PFKP: variants seen among roughly 807,000 people sequenced by gnomAD.
The protein encoded by PFKP is ATP-dependent 6-phosphofructokinase, platelet type.
A neutral mutation model predicts 94.3 loss-of-function variants in PFKP; 101 were observed. That is an observed-to-expected ratio of 1.07 (90% CI 0.91 to 1.26). The LOEUF is 1.26. Among genes scored for constraint, PFKP ranks in the 50% most tolerant of loss-of-function variants. The pLI, the probability that PFKP is intolerant of heterozygous loss-of-function variation, is 0.00. For missense variants in PFKP, 1,145 were observed against 1,103.3 expected (o/e 1.04, Z -0.53); for synonymous variants, 573 against 432.6 (o/e 1.32, Z -4.03).
At chr10:3,134,051 C>T (rs9423697) in intron 19 of PFKP, among the ~76,000 whole-genome samples, 40,445 of 152,036 alleles carry the variant, frequency 0.27, 5,470 homozygotes, top group East Asian at 0.3. Context: ...AACTTGCACA[C>T]ACTCCTTCCT....
In PFKP at chr10:3,136,434, C is replaced by A. The variant is rs763085603; in HGVS notation, c.2226-16C>A. The A allele has an allele frequency of 6.2e-7, 1 of 1,613,268 alleles. No homozygotes were observed. The highest frequency in any genetic ancestry group is 8.5e-7 in the Non-Finnish European group (1 of 1,179,532). On this transcript the variant is annotated splice_polypyrimidine_tract_variant and intron_variant, in intron 21 of 21. Coordinates refer to ENST00000381125, the MANE Select transcript of PFKP (RefSeq NM_002627.5). Reference sequence around the variant, plus strand: ...GTGACTGCAGGCCTCACTGCTGTCTCCTCTTACCTCCACAGGCACAGGATT... The same window carrying A: ...GTGACTGCAGGCCTCACTGCTGTCTACTCTTACCTCCACAGGCACAGGATT...
At position 3,108,101 on chromosome 10, in the gene PFKP, C is replaced by T. The variant is rs116032793; in HGVS notation, c.871-600C>T. ...ATTTATAAGTGGTCATCCATAAAGT[C>T]CAGGCAAAGATTTTATTTCCCGCTT... On this transcript the variant is annotated intron_variant, in intron 8 of 21. Transcript: ENST00000381125. 2,963 of 1,002,646 alleles carry T rather than the reference C, an allele frequency of 3.0e-3. 64 individuals are homozygous for T. The African/African-American group carries it at 0.043, about 14-fold the overall frequency. The allele number at this position is 1,002,646 out of a possible 1,614,324, so 62.1% of individuals were successfully genotyped here.
At chr10:3,125,651 G>A (rs544732937) in intron 16 of PFKP, among the ~76,000 whole-genome samples, 6 of 152,320 alleles carry the variant, frequency 3.9e-5, no homozygotes, top group East Asian at 1.9e-4. Flanking sequence ...ACTGGGGGCC[G>A]CTGCCTGGAA....
At chr10:3,135,578 C>G (rs1424295651) in intron 20 of PFKP, among the ~76,000 whole-genome samples, 158 bp from the exon 21 acceptor site, 1 of 152,236 alleles carries the variant, frequency 6.6e-6, no homozygotes, top group Non-Finnish European at 1.5e-5. Context: ...AGGCCAGGTG[C>G]TGGCCCCACT....
chr10:3,104,367 T>C lies in PFKP; in HGVS notation c.620+423T>C, dbSNP rs372832597. ...CCACAGCGTTTGATCCGAGGTGCTC[T>C]AGGCTCAGCAGGTTATCACTAAAGA... On this transcript the variant is annotated intron_variant, in intron 5 of 21. Transcript: ENST00000381125. Among the ~76,000 whole-genome samples the C allele has an allele frequency of 1.8e-4, 28 of 152,360 alleles. No individual in the cohort carries two copies. The South Asian group carries it at 3.1e-3, about 17-fold the overall frequency.
chr10:3,127,699 C>G (rs973569054), intron 16 of PFKP, among the ~76,000 whole-genome samples: 1 of 152,216 alleles, frequency 6.6e-6, no homozygotes, highest in African/African-American at 2.4e-5. Context: ...TGACGGGGAT[C>G]TGTCCTCTGT....
intron 1 of PFKP, among the ~76,000 whole-genome samples, chr10:3,075,413 T>C (rs903300865): frequency 2.6e-5 from 4 of 151,728 alleles, no homozygotes; most frequent in African/African-American, 2.4e-5. Flanking sequence ...AAGGGCAGTA[T>C]TGAAGAGCCG....
Position 3,119,953 on chromosome 10 carries a change from C to T in PFKP, c.1592C>T (p.Pro531Leu). Residue 531 changes from proline (P) to leucine (L), a missense_variant, in exon 16 of 22, where the codon CCC (proline) becomes CTC (leucine). This residue lies in a region of PFKP where 1,119 missense variants were observed against 1,062.8 expected (regional missense o/e 1.05). Transcript: ENST00000381125. ...GAGAAGCACGAGGAGTTCTGTGTCC[C>T]CATGGTCATGGTTCCCGCTACTGTG... ...AREKHEEFCVPMVMVPATVSN... is the reference protein window; with the variant it reads ...AREKHEEFCVLMVMVPATVSN... 1.2e-6 allele frequency: 2 copies of T among 1,614,106 alleles called. No individual in the cohort carries two copies. Among genetic ancestry groups the T allele is most frequent in the South Asian group, 1.1e-5 (1 of 91,072 alleles).
At chr10:3,072,828 G>A (rs766837107) in intron 1 of PFKP, among the ~76,000 whole-genome samples, 3 of 152,076 alleles carry the variant, frequency 2.0e-5, no homozygotes, top group South Asian at 2.1e-4. Context: ...ATACGGTAAC[G>A]TAGTCAGGAC....
intron 1 of PFKP, among the ~76,000 whole-genome samples, chr10:3,071,445 T>TTTTTTTTTTTG (rs1564254763): frequency 7.2e-6 from 1 of 138,692 alleles, no homozygotes; most frequent in Non-Finnish European, 1.6e-5. Flanking sequence ...TTTTTTTTTT[T>TTTTTTTTTTTG]TTTTCTTTCT....
At position 3,103,939 on chromosome 10, in the gene PFKP, C is replaced by T. The variant is rs1835282984; in HGVS notation, c.615C>T (p.Ala205=). Reference sequence around the variant, plus strand: ...TCGTCGACGCCATCATGACCACGGCCCAGAGGTAAAGCGCTCAGAGGAACC... The same window carrying T: ...TCGTCGACGCCATCATGACCACGGCTCAGAGGTAAAGCGCTCAGAGGAACC... ...IEVVDAIMTT[A]QSHQRTFVLE... is the part of the protein sequence containing the mutation. Residue 205 remains alanine (A), a synonymous_variant, in exon 5 of 22, where the codon GCC becomes GCT. Transcript: ENST00000381125. The T allele has an allele frequency of 5.6e-6, 9 of 1,613,366 alleles. No homozygotes were observed. The Middle Eastern group carries it at 6.6e-4, about 118-fold the overall frequency.
intron 8 of PFKP, chr10:3,107,759 C>A: frequency 1.0e-6 from 1 of 981,368 alleles, no homozygotes; most frequent in Non-Finnish European, 1.2e-6. Flanking sequence ...TACAAAGCCA[C>A]TGTGTCCTCG....
intron 10 of PFKP, among the ~76,000 whole-genome samples, chr10:3,111,012 G>A (rs944744308): frequency 1.3e-5 from 2 of 151,626 alleles, no homozygotes; most frequent in African/African-American, 2.4e-5. Flanking sequence ...GAGGTAGTAT[G>A]TTTCTGCATG....
chr10:3,130,193 A>G (rs897078386), intron 17 of PFKP, among the ~76,000 whole-genome samples: 4 of 151,378 alleles, frequency 2.6e-5, no homozygotes, highest in Non-Finnish European at 5.9e-5. Context: ...GACACCTTCT[A>G]GTCTCATGTG....
chr10:3,101,968 T>TG (rs1174979941), intron 4 of PFKP, among the ~76,000 whole-genome samples: 2 of 152,010 alleles, frequency 1.3e-5, no homozygotes, highest in African/African-American at 4.8e-5. Flanking sequence ...AAACTGAAGT[T>TG]GGGCCGGGCG....
rs1837417761 is a variant in PFKP at position 3,121,630 on chromosome 10, G to A, written c.1683+1586G>A. ...TGTAAATATGTAACAAATGCATAGGGTCAAATTTATGAAAACCAAAATACG... is the reference window on the plus strand; with the variant it reads ...TGTAAATATGTAACAAATGCATAGGATCAAATTTATGAAAACCAAAATACG... On this transcript the variant is annotated intron_variant, in intron 16 of 21. Coordinates refer to ENST00000381125, the MANE Select transcript of PFKP (RefSeq NM_002627.5). Among the ~76,000 whole-genome samples the A allele has an allele frequency of 2.7e-5, 4 of 148,450 alleles. No individual in the cohort carries two copies. The South Asian group carries it at 8.6e-4, about 32-fold the overall frequency.
chr10:3,109,348 T>A lies in PFKP; in HGVS notation c.964-7T>A. On this transcript the variant is annotated splice_polypyrimidine_tract_variant and splice_region_variant and intron_variant, in intron 9 of 21. Transcript: ENST00000381125. ...CTGCCCCTGACCCACATGGACCTGGTTTCCAGGCCAGCCGCATGGGAGTGG... is the reference window on the plus strand; with the variant it reads ...CTGCCCCTGACCCACATGGACCTGGATTCCAGGCCAGCCGCATGGGAGTGG... 6.2e-7 allele frequency: 1 copy of A among 1,608,718 alleles called. No individual in the cohort carries two copies. Among genetic ancestry groups the A allele is most frequent in the Non-Finnish European group, 8.5e-7 (1 of 1,179,978 alleles).
intron 5 of PFKP, 104 bp downstream of exon 5, chr10:3,104,048 G>C (rs931567391): frequency 1.2e-4 from 129 of 1,035,598 alleles, no homozygotes; most frequent in Non-Finnish European, 1.4e-4. Flanking sequence ...GGGTGTCCTG[G>C]TGCTGGTCTC....
At chr10:3,127,377 C>T (rs1374546456) in intron 16 of PFKP, among the ~76,000 whole-genome samples, 1 of 152,244 alleles carries the variant, frequency 6.6e-6, no homozygotes, top group African/African-American at 2.4e-5. Flanking sequence ...GGGAGAGCTG[C>T]TTTGCCCGCA....
Sources: allele counts gnomAD v4.1 joint callset (sites outside exome capture counted in the v4.1 genomes callset), GRCh38; gene constraint gnomAD v4.1.1; regional missense constraint gnomAD v4.1.1; transcripts MANE v1.5; gene names NCBI Gene and HGNC (gene_info 2026-07-23, HGNC 2026-07-21).